MDGA2: variants seen among roughly 807,000 people sequenced by gnomAD.
MDGA2 encodes the protein MAM domain containing glycosylphosphatidylinositol anchor 2.
A neutral mutation model predicts 117.8 loss-of-function variants in MDGA2; 40 were observed. That is an observed-to-expected ratio of 0.34 (90% CI 0.26 to 0.44). The LOEUF (loss-of-function observed/expected upper bound fraction) is 0.44, where lower values mean the gene tolerates loss of function less well. Among genes scored for constraint, MDGA2 ranks in the 20% least tolerant of loss-of-function variants. The pLI is 1.00. For synonymous variants in MDGA2, 452 were observed against 439.0 expected, an observed-to-expected ratio of 1.03 and a Z score of -0.37; for missense variants, 1,123 against 1,250.6, an observed-to-expected ratio of 0.90 and a Z score of 1.54.
chr14:47,582,097 T>C (rs1302869557), intron 1 of MDGA2, among the ~76,000 whole-genome samples: 1 of 151,928 alleles, frequency 6.6e-6, no homozygotes, highest in Non-Finnish European at 1.5e-5. Context: ...AGTACAGTGT[T>C]TGATATACAG....
At chr14:47,336,489 T>C (rs1252390366) in intron 1 of MDGA2, among the ~76,000 whole-genome samples, 4 of 152,100 alleles carry the variant, frequency 2.6e-5, no homozygotes, top group Middle Eastern at 6.8e-3. Context: ...GTTGGCATTA[T>C]TTTTCTTATT....
At chr14:47,015,023 GTTA>G (rs1169809961) in intron 8 of MDGA2, among the ~76,000 whole-genome samples, 2 of 152,052 alleles carry the variant, frequency 1.3e-5, no homozygotes, top group African/African-American at 4.8e-5. Flanking sequence ...ACATTATAGG[GTTA>G]TTAACTGGCC....
intron 1 of MDGA2, among the ~76,000 whole-genome samples, chr14:47,508,612 T>C (rs1213425256): frequency 1.3e-5 from 2 of 152,096 alleles, no homozygotes; most frequent in Admixed American, 1.3e-4. Context: ...TAGAACAATA[T>C]AGGAGGCAAT....
At chr14:47,075,344 T>C (rs1280339227) in intron 6 of MDGA2, among the ~76,000 whole-genome samples, 1 of 152,180 alleles carries the variant, frequency 6.6e-6, no homozygotes, top group African/African-American at 2.4e-5. Context: ...ACAAAGTAAG[T>C]TGTCACAGCA....
At chr14:47,604,146 G>A (rs1026167310) in intron 1 of MDGA2, among the ~76,000 whole-genome samples, 1 of 152,062 alleles carries the variant, frequency 6.6e-6, no homozygotes, top group Non-Finnish European at 1.5e-5. Flanking sequence ...CAAGCCTTTG[G>A]AAGACTTTTC....
chr14:47,443,857 A>G (rs1893065952), intron 1 of MDGA2, among the ~76,000 whole-genome samples: 1 of 152,140 alleles, frequency 6.6e-6, no homozygotes, highest in African/African-American at 2.4e-5. Context: ...TTCTGCCTGG[A>G]AACTCCCAAG....
chr14:47,144,354 A>G (rs1330594083), intron 3 of MDGA2, 80 bp from the exon 4 acceptor site: 1 of 952,388 alleles, frequency 1.0e-6, no homozygotes, highest in Non-Finnish European at 1.5e-6. Flanking sequence ...TAACCCAACC[A>G]AAAATGCATA....
At chr14:46,909,652 A>G (rs1182551978) in intron 10 of MDGA2, among the ~76,000 whole-genome samples, 2 of 152,220 alleles carry the variant, frequency 1.3e-5, no homozygotes, top group African/African-American at 2.4e-5. Context: ...GAGATATTGT[A>G]AAGGACAAAA....
chr14:47,039,991 C>A (rs1277325894), intron 7 of MDGA2, among the ~76,000 whole-genome samples: 1 of 152,030 alleles, frequency 6.6e-6, no homozygotes, highest in African/African-American at 2.4e-5. Flanking sequence ...TCTTACTATC[C>A]ATATGTATCC....
rs1482487920 is a variant in MDGA2, at chr14:46,957,510, T to G, written c.1953A>C (p.Leu651Phe). The G allele has an allele frequency of 6.2e-7, 1 of 1,614,130 alleles. No homozygotes were observed. Among genetic ancestry groups the G allele is most frequent in the Admixed American group, 1.7e-5 (1 of 60,014 alleles). ...LTYEWRLGNK[L>F]LRTGQFDSQE... is the part of the protein sequence containing the mutation. ...GAGAGTCAAATTGACCCGTCCGTAA[T>G]AATTTATTGCCCAAGCGCCACTCAT... Residue 651 changes from leucine (L) to phenylalanine (F), a missense_variant, in exon 9 of 17, where the codon TTA (leucine) becomes TTC (phenylalanine). Around this residue, in one of 2 missense-constraint regions of MDGA2, gnomAD observed 890 missense variants for 1,050.3 expected, o/e 0.85. Coordinates refer to ENST00000399232, the MANE Select transcript of MDGA2 (RefSeq NM_001113498.3).
intron 7 of MDGA2, among the ~76,000 whole-genome samples, chr14:47,037,780 T>A (rs187931224): frequency 2.0e-4 from 30 of 152,310 alleles, no homozygotes; most frequent in Non-Finnish European, 1.2e-4. Context: ...ATATCCAAAT[T>A]TAGATAAATC....
intron 1 of MDGA2, among the ~76,000 whole-genome samples, chr14:47,413,691 GA>G (rs1183977816): frequency 6.7e-6 from 1 of 149,148 alleles, no homozygotes; most frequent in East Asian, 2.0e-4. Context: ...TTTACTTTGA[GA>G]AAACAAAGAC....
At chr14:47,457,965 T>A (rs1862353790) in intron 1 of MDGA2, among the ~76,000 whole-genome samples, 2 of 151,656 alleles carry the variant, frequency 1.3e-5, no homozygotes, top group African/African-American at 4.8e-5. Flanking sequence ...TTTTATGCAA[T>A]TAATTTAATT....
At chr14:47,069,204 A>G (rs1370119326) in intron 6 of MDGA2, among the ~76,000 whole-genome samples, 1 of 152,222 alleles carries the variant, frequency 6.6e-6, no homozygotes, top group Non-Finnish European at 1.5e-5. Flanking sequence ...TCTGGCAGTG[A>G]GGGCTCAAAG....
At chr14:46,955,934 A>G (rs1885547626) in intron 9 of MDGA2, among the ~76,000 whole-genome samples, 1 of 152,136 alleles carries the variant, frequency 6.6e-6, no homozygotes, top group Non-Finnish European at 1.5e-5. Context: ...CTCTTACGTT[A>G]GATTCAAAGT....
intron 9 of MDGA2, among the ~76,000 whole-genome samples, chr14:46,941,993 A>C (rs1885018066): frequency 6.6e-6 from 1 of 152,166 alleles, no homozygotes; most frequent in Admixed American, 6.5e-5. Flanking sequence ...CAAAATGGTA[A>C]TACTCCAAAC....
chr14:47,165,060 C>G (rs770125897), intron 3 of MDGA2, among the ~76,000 whole-genome samples: 1 of 151,792 alleles, frequency 6.6e-6, no homozygotes, highest in Non-Finnish European at 1.5e-5. Context: ...ATGAGAACAC[C>G]TGGACACAGG....
At chr14:47,136,567 C>T (rs772597282) in intron 4 of MDGA2, among the ~76,000 whole-genome samples, 5 of 152,248 alleles carry the variant, frequency 3.3e-5, no homozygotes, top group South Asian at 2.1e-4. Context: ...TCTTCCTATA[C>T]GTATTCTCCT....
intron 1 of MDGA2, among the ~76,000 whole-genome samples, chr14:47,635,090 T>C (rs1240651484): frequency 1.3e-5 from 2 of 152,090 alleles, no homozygotes; most frequent in Non-Finnish European, 2.9e-5. Flanking sequence ...CAGAAAACAT[T>C]TAGATCAGTA....
Sources: gnomAD v4.1 joint callset for allele counts (sites outside exome capture counted in the v4.1 genomes callset) on GRCh38, gnomAD v4.1.1 for gene constraint, gnomAD v4.1.1 regional missense constraint, MANE v1.5 for transcripts, NCBI Gene and HGNC (gene_info 2026-07-23, HGNC 2026-07-21) for gene names.